The following CNOT3 variants were observed in gnomAD, a reference collection of about 807,000 sequenced individuals.
The protein encoded by CNOT3 is CCR4-NOT transcription complex subunit 3.
A neutral mutation model predicts 89.4 loss-of-function variants in CNOT3; 2 were observed. That is an observed-to-expected ratio of 0.02 (90% CI 0.01 to 0.07). CNOT3 has a LOEUF of 0.07. CNOT3 is among the 10% of genes least tolerant of loss of function. The pLI is 1.00. For synonymous variants in CNOT3, 486 were observed against 402.0 expected (o/e 1.21, Z -2.50); for missense variants, 664 against 1,010.2 (o/e 0.66, Z 4.65).
chr19:54,155,197 C>T, intron 17 of CNOT3, 112 bp from the exon 18 acceptor site: 1 of 1,314,338 alleles, frequency 7.6e-7, no homozygotes, highest in Non-Finnish European at 1.0e-6. Context: ...GGCAGCTGGC[C>T]CGGTGCCTGA....
At position 54,148,689 on chromosome 19, in the gene CNOT3, G is replaced by A; in HGVS notation, c.1352G>A (p.Ser451Asn). 1 of 1,611,772 alleles carries A rather than the reference G, an allele frequency of 6.2e-7. No homozygotes were observed. The highest frequency in any genetic ancestry group is 1.7e-4 in the Middle Eastern group (1 of 5,972). The change falls in exon 12 of 18, where the codon AGC becomes AAC. Residue 451 changes from serine (S) to asparagine (N), a missense_variant. Physicochemically the swap from Ser to Asn is conservative, Grantham distance 46. Around this residue, in one of 8 missense-constraint regions of CNOT3, gnomAD observed 545 missense variants for 566.2 expected, o/e 0.96. Transcript: ENST00000221232. This position sits in a 1 kb window ranked among gnomAD's most constrained non-coding sequence, Gnocchi z 6.3. ...AGCAGCAGTGGGGGCAACAATGCCA[G>A]CAGCCAGGCCTTGGGCCCCCCTTCC... is the stretch of plus-strand genomic sequence containing the variant. ...ALSSSGGNNA[S>N]SQALGPPSGP...
At position 54,152,566 on chromosome 19, in the gene CNOT3, A is replaced by G; in HGVS notation, c.1844A>G (p.Gln615Arg). 6.2e-7 allele frequency: 1 copy of G among 1,614,154 alleles called. No homozygotes were observed. The highest frequency in any genetic ancestry group is 8.5e-7 in the Non-Finnish European group (1 of 1,180,020). Reference protein sequence around the residue: ...VPLTKEQLYQQAMEEAAWHHM... With the variant: ...VPLTKEQLYQRAMEEAAWHHM... Reference sequence around the variant, plus strand: ...CTCACCAAGGAGCAGCTCTATCAGCAGGCCATGGAAGAGGCCGCCTGGCAC... The same window carrying G: ...CTCACCAAGGAGCAGCTCTATCAGCGGGCCATGGAAGAGGCCGCCTGGCAC... Residue 615 changes from glutamine (Q) to arginine (R), a missense_variant, in exon 15 of 18, where the codon CAG becomes CGG. By Grantham distance (43) the Gln-to-Arg change is conservative (BLOSUM62 1). Transcript: ENST00000221232.
rs750494172 is a variant in CNOT3 at position 54,154,010 on chromosome 19, C to T, written c.2163+170C>T. ...GCTGTCTGCTCAGCCTGGAACACCG[C>T]CCTCTCATCCTCCACTTGGCCAGCT... is the stretch of plus-strand genomic sequence containing the variant. On this transcript the variant is annotated intron_variant, in intron 17 of 17. Transcript: ENST00000221232. 7.2e-6 allele frequency: 6 copies of T among 834,466 alleles called. No individual in the cohort carries two copies. In the East Asian group the frequency reaches 1.6e-4, roughly 22 times the overall value. The allele number at this position is 834,466 out of a possible 1,614,324, so 51.7% of individuals were successfully genotyped here. A position where few individuals can be genotyped will look rare whatever the true frequency, so the allele number is the denominator to read the frequency against.
Position 54,148,320 on chromosome 19 carries a change from A to G in CNOT3, c.1067A>G (p.Lys356Arg), listed in dbSNP as rs2074801659. The stretch of plus-strand genomic sequence containing the variant: ...GCACCCCCAAGTGCCCTGGGCCCCA[A>G]GGCCAGTCCAGCTCCCAGCCACAAC... ...PAAPPSALGP[K>R]ASPAPSHNSG... The change falls in exon 11 of 18, where the codon AAG becomes AGG. Residue 356 changes from lysine (K) to arginine (R), a missense_variant. Lys to Arg is a conservative substitution (Grantham distance 26). Coordinates refer to ENST00000221232, the MANE Select transcript of CNOT3 (RefSeq NM_014516.4). The surrounding 1 kb of genome is among the most constrained non-coding windows in gnomAD (Gnocchi z 6.3). 6.2e-7 allele frequency: 1 copy of G among 1,600,220 alleles called. No homozygotes were observed. The highest frequency in any genetic ancestry group is 1.7e-5 in the Admixed American group (1 of 58,356).
chr19:54,150,670 T>C (rs2075040483), intron 13 of CNOT3, among the ~76,000 whole-genome samples: 2 of 108,920 alleles, frequency 1.8e-5, no homozygotes, highest in Admixed American at 1.8e-4. Context: ...GTCCTTTCTG[T>C]GCCTTCATCT....
In CNOT3 at chr19:54,148,252, C is replaced by T. The variant is rs1425435172; in HGVS notation, c.999C>T (p.Ala333=). 4 of 1,606,750 alleles carry T rather than the reference C, an allele frequency of 2.5e-6. No homozygotes were observed. Among genetic ancestry groups the T allele is most frequent in the Non-Finnish European group, 3.4e-6 (4 of 1,176,192 alleles). The change falls in exon 11 of 18, where the codon GCC becomes GCT. Residue 333 remains alanine, a synonymous_variant. Transcript: ENST00000221232. The surrounding 1 kb of genome is among the most constrained non-coding windows in gnomAD (Gnocchi z 6.3). ...CCGGCCCCCCGCCTGCTGCCTCTGCCTTGAGCACCACTCCTGGCAACAATG... is the reference window on the plus strand; with the variant it reads ...CCGGCCCCCCGCCTGCTGCCTCTGCTTTGAGCACCACTCCTGGCAACAATG... The part of the protein sequence containing the change: ...YPSGPPPAAS[A]LSTTPGNNGV...
chr19:54,145,082 G>A lies in CNOT3; in HGVS notation c.484-516G>A, dbSNP rs958186338. 8.5e-5 allele frequency among the ~76,000 whole-genome samples: 13 copies of A among 152,258 alleles called. No individual in the cohort carries two copies. Among genetic ancestry groups the A allele is most frequent in the Middle Eastern group, 3.4e-3 (1 of 292 alleles). On this transcript the variant is annotated intron_variant, in intron 7 of 17. Transcript: ENST00000221232. This position sits in a 1 kb window ranked among gnomAD's most constrained non-coding sequence, Gnocchi z 5.9. ...AAGGGGCCTTGAGGGGAGGGCAGGA[G>A]CGAGGCTTAGGAATCTGGGCTCTCT... is the stretch of plus-strand genomic sequence containing the variant.
In CNOT3 at chr19:54,152,258, G is replaced by A. The variant is rs2075160695; in HGVS notation, c.1638G>A (p.Met546Ile). ...APEPLSSLKS[M>I]AERAAISSGI... is the part of the protein sequence containing the mutation. ...AGCCTCTGAGCTCCTTGAAGTCCAT[G>A]GCGGAACGGGCAGCCATCAGCTCTG... The change falls in exon 14 of 18, where the codon ATG (methionine) becomes ATA (isoleucine). Residue 546 changes from methionine (M) to isoleucine (I), a missense_variant. Transcript: ENST00000221232. 2 of 1,614,094 alleles carry A rather than the reference G, an allele frequency of 1.2e-6. No homozygotes were observed. Among genetic ancestry groups the A allele is most frequent in the Non-Finnish European group, 1.7e-6 (2 of 1,179,996 alleles).
intron 1 of CNOT3, among the ~76,000 whole-genome samples, chr19:54,138,796 C>T (rs587664947): frequency 1.3e-5 from 2 of 152,356 alleles, no homozygotes; most frequent in African/African-American, 2.4e-5. Flanking sequence ...CATCCCGCTG[C>T]ACTGGGCGCC....
intron 1 of CNOT3, among the ~76,000 whole-genome samples, chr19:54,138,618 C>T (rs1442412440): frequency 2.6e-5 from 4 of 152,220 alleles, no homozygotes; most frequent in African/African-American, 9.6e-5. Context: ...CGCAGCCTCC[C>T]CTGGATCTCA....
intron 9 of CNOT3, among the ~76,000 whole-genome samples, chr19:54,146,310 T>A (rs1237745125): frequency 2.6e-5 from 4 of 152,204 alleles, no homozygotes. Context: ...CTGAGGAGGC[T>A]GGGTAGCTGG....
At chr19:54,139,762 G>A (rs1479030026) in intron 1 of CNOT3, among the ~76,000 whole-genome samples, 6 of 151,990 alleles carry the variant, frequency 3.9e-5, no homozygotes, top group Admixed American at 2.0e-4. Flanking sequence ...AGTCTCAAGC[G>A]GGAGACTCCA....
intron 1 of CNOT3, among the ~76,000 whole-genome samples, chr19:54,139,311 C>A (rs1407428695): frequency 1.3e-5 from 2 of 152,166 alleles, no homozygotes; most frequent in Non-Finnish European, 2.9e-5. Flanking sequence ...AGCCCACTGC[C>A]CTTGATATTT....
chr19:54,152,405 C>G (rs1232254431), intron 14 of CNOT3, 23 bp from the exon 15 acceptor site: 2 of 1,613,478 alleles, frequency 1.2e-6, no homozygotes, highest in African/African-American at 2.7e-5. Flanking sequence ...ACTGAGGGGG[C>G]CGGACCCCCA....
At chr19:54,155,178 T>C (rs1428000626) in intron 17 of CNOT3, 131 bp from the exon 18 acceptor site, 44 of 974,862 alleles carry the variant, frequency 4.5e-5, no homozygotes, top group African/African-American at 6.5e-5. Context: ...TGAGAGTGTG[T>C]GCGTGCAGGG....
chr19:54,145,991 C>G lies in CNOT3; in HGVS notation c.785C>G (p.Thr262Ser). 6.2e-7 allele frequency: 1 copy of G among 1,613,856 alleles called. No homozygotes were observed. ...TTCAACCAGTCCAGCAGCACGCCCA[C>G]CTCAACCACCTCCAGCTCTCCCATC... The part of the protein sequence containing the change: ...EIFNQSSSTP[T>S]STTSSSPIPP... Residue 262 changes from threonine (T) to serine (S), a missense_variant, in exon 9 of 18, where the codon ACC (threonine) becomes AGC (serine). Thr to Ser is a moderately conservative substitution (Grantham distance 58). Around this residue, in one of 8 missense-constraint regions of CNOT3, gnomAD observed 545 missense variants for 566.2 expected, o/e 0.96. Transcript: ENST00000221232. This position sits in a 1 kb window ranked among gnomAD's most constrained non-coding sequence, Gnocchi z 5.9.
chr19:54,155,233 C>T, intron 17 of CNOT3, 76 bp from the exon 18 acceptor site: 1 of 1,572,950 alleles, frequency 6.4e-7, no homozygotes, highest in Non-Finnish European at 8.6e-7. Flanking sequence ...AAGAATTGTC[C>T]CCTTTGTCTG....
chr19:54,151,633 T>C (rs2075117349), intron 13 of CNOT3, among the ~76,000 whole-genome samples: 1 of 152,158 alleles, frequency 6.6e-6, no homozygotes, highest in Non-Finnish European at 1.5e-5. Context: ...GAACCAGCCC[T>C]GACTTTGGGG....
chr19:54,153,649 C>A, intron 16 of CNOT3, 66 bp from the exon 17 acceptor site: 1 of 1,242,502 alleles, frequency 8.0e-7, no homozygotes, highest in Non-Finnish European at 1.2e-6. Flanking sequence ...TGTCCTGCCC[C>A]ATTCCCCTGG....
Sources: allele counts gnomAD v4.1 joint callset (sites outside exome capture counted in the v4.1 genomes callset), GRCh38; gene constraint gnomAD v4.1.1; regional missense constraint gnomAD v4.1.1; non-coding constraint Gnocchi (gnomAD v3.1); transcripts MANE v1.5; gene names NCBI Gene and HGNC (gene_info 2026-07-23, HGNC 2026-07-21).